MARCHF5: variants seen among roughly 807,000 people sequenced by gnomAD.
MARCHF5 encodes membrane associated ring-CH-type finger 5, also known as E3 ubiquitin-protein ligase MARCHF5.
In MARCHF5, 5 loss-of-function variants were observed where a neutral mutation model predicts 36.5. That is an observed-to-expected ratio of 0.14 (90% CI 0.07 to 0.29). MARCHF5 has a LOEUF of 0.29. MARCHF5 is among the 10% of genes least tolerant of loss of function. The pLI is 1.00. For missense variants in MARCHF5, 179 were observed against 336.3 expected (o/e 0.53, Z 3.66); for synonymous variants, 103 against 109.9 (o/e 0.94, Z 0.39).
intron 1 of MARCHF5, among the ~76,000 whole-genome samples, chr10:92,293,322 C>T (rs1842912633): frequency 6.6e-6 from 1 of 152,076 alleles, no homozygotes; most frequent in African/African-American, 2.4e-5. Flanking sequence ...CTGTGCTGGT[C>T]TCAAACTCCT....
rs1843253494 is a variant in MARCHF5, at chr10:92,319,105, A to G, written c.238+7768A>G. Among the ~76,000 whole-genome samples the G allele has an allele frequency of 2.6e-5, 4 of 152,286 alleles. No individual in the cohort carries two copies. The South Asian group carries it at 8.3e-4, about 32-fold the overall frequency. The stretch of plus-strand genomic sequence containing the variant: ...CCCTAAGATTATAATTGAGTCGAAA[A>G]ATTCCCATCACCTTGTGGCATTGTA... On this transcript the variant is annotated intron_variant, in intron 2 of 5. Coordinates refer to ENST00000358935, the MANE Select transcript of MARCHF5 (RefSeq NM_017824.5).
chr10:92,295,315 CT>C (rs1275571839), intron 1 of MARCHF5, among the ~76,000 whole-genome samples: 6 of 12,456 alleles, frequency 4.8e-4, no homozygotes, highest in African/African-American at 1.2e-3. Flanking sequence ...GGCAACTTTT[CT>C]TTTTTTTTTT....
In MARCHF5 at chr10:92,345,134, A is replaced by G. The variant is rs1384918952; in HGVS notation, c.370-4215A>G. ...AAGACAGCCCCCATTAGCATTGCCC[A>G]TTCTTAATTACAGTACTTACTTATC... On this transcript the variant is annotated intron_variant, in intron 3 of 5. Coordinates refer to ENST00000358935, the MANE Select transcript of MARCHF5 (RefSeq NM_017824.5). 2.0e-5 allele frequency among the ~76,000 whole-genome samples: 3 copies of G among 151,862 alleles called. No individual in the cohort carries two copies. The East Asian group carries it at 5.8e-4, about 29-fold the overall frequency.
intron 1 of MARCHF5, among the ~76,000 whole-genome samples, chr10:92,304,697 G>T (rs1843052371): frequency 6.6e-6 from 1 of 152,078 alleles, no homozygotes; most frequent in South Asian, 2.1e-4. Flanking sequence ...ATATTACTGT[G>T]GTTTGCTTGC....
chr10:92,291,672 T>G (rs1182622198), intron 1 of MARCHF5, 143 bp downstream of exon 1: 2 of 1,288,152 alleles, frequency 1.6e-6, no homozygotes, highest in Non-Finnish European at 2.0e-6. Context: ...GGGCAAAAAG[T>G]TTGGAGTCTA....
rs1554948794 is a variant in MARCHF5 at position 92,331,929 on chromosome 10, GTATATATAATCGTATATATATGTA to G, written c.239-8722_239-8699del. On this transcript the variant is annotated intron_variant, in intron 2 of 5. Coordinates refer to ENST00000358935, the MANE Select transcript of MARCHF5 (RefSeq NM_017824.5). ...TATATGTATATATAATCATATATAT[GTATATATAATCGTATATATATGTA>G]TATATATAATCGTATATATATATGT... 4.6e-5 allele frequency among the ~76,000 whole-genome samples: 4 copies of G among 87,656 alleles called. No individual in the cohort carries two copies. The South Asian group carries it at 1.3e-3, about 28-fold the overall frequency. The allele number at this position is 87,656 out of a possible 152,430, so 57.5% of individuals were successfully genotyped here.
intron 2 of MARCHF5, among the ~76,000 whole-genome samples, chr10:92,330,676 T>C (rs2135204734): frequency 6.6e-6 from 1 of 152,358 alleles, no homozygotes; most frequent in South Asian, 2.1e-4. Flanking sequence ...TCGTTTGCCC[T>C]TTTGGGGTGA....
chr10:92,347,528 GATAT>G (rs201631703), intron 3 of MARCHF5, among the ~76,000 whole-genome samples: 28,510 of 114,818 alleles, frequency 0.25, 3,382 homozygotes, highest in Middle Eastern at 0.29. Flanking sequence ...ATAGATGATA[GATAT>G]ATAGATAGAT....
chr10:92,322,392 G>T (rs1191444550), intron 2 of MARCHF5, among the ~76,000 whole-genome samples: 1 of 136,902 alleles, frequency 7.3e-6, no homozygotes, highest in Middle Eastern at 3.7e-3. Flanking sequence ...TCTCCTTTTA[G>T]TTTCTTAAGG....
At position 92,353,179 on chromosome 10, in the gene MARCHF5, G is replaced by A. The variant is rs1270511037; in HGVS notation, c.*1972G>A. 6.6e-6 allele frequency: 1 copy of A among 152,140 alleles called. No individual in the cohort carries two copies. The highest frequency in any genetic ancestry group is 1.9e-4 in the East Asian group (1 of 5,176). 9.4% of individuals were successfully genotyped at this position (152,140 alleles called of 1,614,324 possible). ...GGGAACTGCAAGTGCCTGAGGACCAGAGTGGCCTCTAGCCCCGAATTGAAC... is the reference window on the plus strand; with the variant it reads ...GGGAACTGCAAGTGCCTGAGGACCAAAGTGGCCTCTAGCCCCGAATTGAAC... On this transcript the variant is annotated 3_prime_UTR_variant, in exon 6 of 6. Transcript: ENST00000358935.
intron 1 of MARCHF5, among the ~76,000 whole-genome samples, chr10:92,292,605 G>A (rs909490467): frequency 6.6e-5 from 10 of 152,058 alleles, no homozygotes; most frequent in African/African-American, 2.4e-4. Flanking sequence ...ACATTTTTTT[G>A]GAGCTTAGAA....
At chr10:92,333,875 T>C (rs560928526) in intron 2 of MARCHF5, among the ~76,000 whole-genome samples, 1 of 152,240 alleles carries the variant, frequency 6.6e-6, no homozygotes, top group African/African-American at 2.4e-5. Context: ...AAAATGGGGT[T>C]GGTGTCTTAG....
chr10:92,331,188 TTAA>T (rs1264958433), intron 2 of MARCHF5, among the ~76,000 whole-genome samples: 6 of 152,200 alleles, frequency 3.9e-5, no homozygotes, highest in Admixed American at 6.5e-5. Context: ...TTTTTATGTG[TTAA>T]TAAAGGATGA....
chr10:92,302,695 C>T (rs1223238578), intron 1 of MARCHF5, among the ~76,000 whole-genome samples: 2 of 152,146 alleles, frequency 1.3e-5, no homozygotes, highest in Non-Finnish European at 2.9e-5. Flanking sequence ...CCACCCACCT[C>T]GGCCTCCCAA....
intron 1 of MARCHF5, among the ~76,000 whole-genome samples, chr10:92,298,267 G>A (rs887765119): frequency 2.6e-5 from 4 of 152,004 alleles, no homozygotes; most frequent in Non-Finnish European, 2.9e-5. Context: ...TCAGAATCAC[G>A]TTACCTTTTT....
chr10:92,317,865 C>G (rs951962836), intron 2 of MARCHF5, among the ~76,000 whole-genome samples: 24 of 151,414 alleles, frequency 1.6e-4, no homozygotes, highest in Non-Finnish European at 2.8e-4. Context: ...GTTCTCCTGT[C>G]TCACCCTCTC....
intron 1 of MARCHF5, among the ~76,000 whole-genome samples, chr10:92,298,139 A>C (rs1842969575): frequency 6.6e-6 from 1 of 151,910 alleles, no homozygotes. Context: ...CAAAGGTTGC[A>C]GTGAGCTGAG....
At chr10:92,338,012 A>C (rs1843525694) in intron 2 of MARCHF5, among the ~76,000 whole-genome samples, 1 of 147,650 alleles carries the variant, frequency 6.8e-6, no homozygotes, top group African/African-American at 2.5e-5. Context: ...CATCTCTACA[A>C]AAAAAAAAAA....
chr10:92,307,798 C>G (rs1054196579), intron 1 of MARCHF5, among the ~76,000 whole-genome samples: 1 of 151,898 alleles, frequency 6.6e-6, no homozygotes, highest in Non-Finnish European at 1.5e-5. Context: ...TCGCTTGAAC[C>G]GGGAGGCGGA....
Sources: allele counts gnomAD v4.1 joint callset (sites outside exome capture counted in the v4.1 genomes callset), GRCh38; gene constraint gnomAD v4.1.1; transcripts MANE v1.5; gene names NCBI Gene and HGNC (gene_info 2026-07-23, HGNC 2026-07-21).